The following FCGR1A variants were observed in gnomAD, a reference collection of about 807,000 sequenced individuals.
The protein encoded by FCGR1A is high affinity immunoglobulin gamma Fc receptor I.
FCGR1A carries 13 observed loss-of-function variants against 35.0 expected under a neutral mutation model. The observed-to-expected ratio is 0.37, with a 90% CI of 0.24 to 0.59. The LOEUF is 0.59. Ranked by LOEUF, FCGR1A falls within the 20% of genes least tolerant of loss-of-function variation. The pLI, the probability that FCGR1A is intolerant of heterozygous loss-of-function variation, is 0.71. For synonymous variants in FCGR1A, 91 were observed against 164.7 expected, an observed-to-expected ratio of 0.55 and a Z score of 3.43; for missense variants, 227 against 430.0, an observed-to-expected ratio of 0.53 and a Z score of 4.17.
the FCGR1A span, among the ~76,000 whole-genome samples, chr1:149,799,068 A>G: frequency 1.4e-5 from 2 of 142,490 alleles, no homozygotes; most frequent in East Asian, 4.0e-4. Flanking sequence ...TTAATTTTCT[A>G]GAATCTAAAT....
At chr1:149,788,330 C>T in intron 3 of FCGR1A, 36 bp from the exon 4 acceptor site, 3 of 1,611,974 alleles carry the variant, frequency 1.9e-6, no homozygotes, top group South Asian at 2.2e-5. Context: ...GTACCTCCTC[C>T]ACTGTATACA....
the FCGR1A span, among the ~76,000 whole-genome samples, chr1:149,798,700 C>G: frequency 6.6e-6 from 1 of 152,214 alleles, no homozygotes; most frequent in East Asian, 1.9e-4. Flanking sequence ...CAGCCTTGAC[C>G]TCCTAGGCTC....
In FCGR1A at chr1:149,787,063, T is replaced by C. The variant is rs367713558; in HGVS notation, c.308-1303T>C. ...TGTTTGACAGTTTCTGATGGAGATG[T>C]GACAGCACTTCCCACTCTTTTGGAT... is the stretch of plus-strand genomic sequence containing the variant. On this transcript the variant is annotated intron_variant, in intron 3 of 5. Transcript: ENST00000369168. 2.2e-4 allele frequency: 34 copies of C among 152,382 alleles called. 1 individual carries two copies. The highest frequency in any genetic ancestry group is 7.7e-4 in the African/African-American group (32 of 41,592). The allele number at this position is 152,382 out of a possible 1,614,324, so 9.4% of individuals were successfully genotyped here. A position where few individuals can be genotyped will look rare whatever the true frequency, so the allele number is the denominator to read the frequency against.
At position 149,784,531 on chromosome 1, in the gene FCGR1A, G is replaced by C. The variant is rs1337011245; in HGVS notation, c.307+274G>C. On this transcript the variant is annotated intron_variant, in intron 3 of 5. Transcript: ENST00000369168. The stretch of plus-strand genomic sequence containing the variant: ...GTATCATTATTCCAAATGTATGCCT[G>C]TACATAGTAAATAATAATAATTCAA... 3.3e-5 allele frequency among the ~76,000 whole-genome samples: 5 copies of C among 151,952 alleles called. No individual in the cohort carries two copies. The East Asian group carries it at 9.6e-4, about 29-fold the overall frequency.
At chr1:149,799,325 A>G in the FCGR1A span, among the ~76,000 whole-genome samples, 3 of 152,136 alleles carry the variant, frequency 2.0e-5, no homozygotes, top group East Asian at 5.8e-4. Context: ...CCATTTCTTC[A>G]TAAGCATTTT....
chr1:149,784,729 T>C (rs1383447122), intron 3 of FCGR1A, among the ~76,000 whole-genome samples: 1 of 149,268 alleles, frequency 6.7e-6, no homozygotes, highest in Non-Finnish European at 1.5e-5. Context: ...TACACACATA[T>C]ATATAGTTTT....
At chr1:149,793,161 A>G, downstream of FCGR1A, 1 of 1,279,586 alleles carries the variant, frequency 7.8e-7, no homozygotes, top group South Asian at 1.2e-5. Flanking sequence ...GGATTGGTAG[A>G]TCACAGGAAA....
At chr1:149,784,668 T>C (rs1241414868) in intron 3 of FCGR1A, among the ~76,000 whole-genome samples, 51 of 146,848 alleles carry the variant, frequency 3.5e-4, no homozygotes, top group African/African-American at 1.2e-3. Flanking sequence ...ATTATGCATA[T>C]ATATGTATAT....
rs1420272622 is a variant in FCGR1A, at chr1:149,784,094, G to T, written c.144G>T (p.Leu48=). 1.2e-6 allele frequency: 2 copies of T among 1,611,662 alleles called. No individual in the cohort carries two copies. Among genetic ancestry groups the T allele is most frequent in the African/African-American group, 1.3e-5 (1 of 74,758 alleles). Residue 48 remains leucine, a synonymous_variant, in exon 3 of 6, where the codon CTG becomes CTT. Coordinates refer to ENST00000369168, the MANE Select transcript of FCGR1A (RefSeq NM_000566.4). Reference sequence around the variant, plus strand: ...CCTTGCACTGTGAGGTGCTCCATCTGCCTGGGAGCAGCTCTACACAGTGGT... The same window carrying T: ...CCTTGCACTGTGAGGTGCTCCATCTTCCTGGGAGCAGCTCTACACAGTGGT... ...TVTLHCEVLH[L]PGSSSTQWFL... is the part of the protein sequence containing the mutation.
chr1:149,789,870 G>A (rs587623550), intron 4 of FCGR1A, among the ~76,000 whole-genome samples, 184 bp from the exon 5 acceptor site: 2 of 152,214 alleles, frequency 1.3e-5, no homozygotes, highest in East Asian at 3.9e-4. Context: ...CAGCAAGCTG[G>A]CAACCCTAAT....
At chr1:149,799,615 T>G in the FCGR1A span, among the ~76,000 whole-genome samples, 1 of 152,224 alleles carries the variant, frequency 6.6e-6, no homozygotes, top group African/African-American at 2.4e-5. Flanking sequence ...TCAGCAAATC[T>G]TATTTGGTAG....
At chr1:149,790,550 T>C in intron 5 of FCGR1A, 2 of 1,000,568 alleles carry the variant, frequency 2.0e-6, no homozygotes, top group Non-Finnish European at 1.4e-6. Flanking sequence ...TTCTTTTTCC[T>C]TTGCCTTTCC....
the FCGR1A span, among the ~76,000 whole-genome samples, chr1:149,797,062 G>A: frequency 4.6e-5 from 7 of 152,072 alleles, no homozygotes; most frequent in African/African-American, 1.7e-4. Flanking sequence ...ATAGGCACAC[G>A]CCACCACACC....
downstream of FCGR1A, chr1:149,792,677 C>T: frequency 2.3e-6 from 3 of 1,280,080 alleles, no homozygotes; most frequent in Non-Finnish European, 3.0e-6. Flanking sequence ...GCCGCCAGCG[C>T]CCGGGGACCC....
chr1:149,797,742 C>T, the FCGR1A span, among the ~76,000 whole-genome samples: 24 of 152,292 alleles, frequency 1.6e-4, no homozygotes, highest in African/African-American at 4.3e-4. Flanking sequence ...GAACTATAGG[C>T]GTGCACCACG....
the FCGR1A span, among the ~76,000 whole-genome samples, chr1:149,799,462 A>T: frequency 6.6e-6 from 1 of 152,112 alleles, no homozygotes; most frequent in South Asian, 2.1e-4. Context: ...GTATGTATGC[A>T]TTTAGATCCT....
the FCGR1A span, among the ~76,000 whole-genome samples, chr1:149,799,843 C>T: frequency 6.6e-6 from 1 of 152,210 alleles, no homozygotes; most frequent in Non-Finnish European, 1.5e-5. Context: ...CCTGTGCTTT[C>T]ACACTACAAC....
chr1:149,784,711 T>C (rs1286837568), intron 3 of FCGR1A, among the ~76,000 whole-genome samples: 2 of 148,756 alleles, frequency 1.3e-5, no homozygotes, highest in Non-Finnish European at 3.0e-5. Context: ...TATATATATA[T>C]ATATATATAC....
chr1:149,795,957 C>T (rs1449439500), downstream of FCGR1A, among the ~76,000 whole-genome samples: 7 of 150,866 alleles, frequency 4.6e-5, 1 homozygote, highest in East Asian at 3.9e-4. Flanking sequence ...AGCTTGGCAA[C>T]GGAAAGCAGG....
Sources: gnomAD v4.1 joint callset for allele counts (sites outside exome capture counted in the v4.1 genomes callset) on GRCh38, gnomAD v4.1.1 for gene constraint, MANE v1.5 for transcripts, NCBI Gene and HGNC (gene_info 2026-07-23, HGNC 2026-07-21) for gene names.